COL8A1: variants seen among roughly 807,000 people sequenced by gnomAD.
COL8A1 encodes the protein collagen alpha-1(VIII) chain.
Under a neutral mutation model 42.7 loss-of-function variants are expected in COL8A1, and 21 were observed. The observed-to-expected ratio is 0.49, with a 90% CI of 0.35 to 0.71. The LOEUF (loss-of-function observed/expected upper bound fraction) is 0.71, where lower values mean the gene tolerates loss of function less well. Among genes scored for constraint, COL8A1 ranks in the 30% least tolerant of loss-of-function variants. The probability of loss-of-function intolerance (pLI) is 0.01; values close to 1 mark genes in which losing one functional copy is unlikely to be tolerated. For synonymous variants in COL8A1, 367 were observed against 369.1 expected (o/e 0.99, Z 0.06); for missense variants, 788 against 962.4 (o/e 0.82, Z 2.40).
At chr3:99,792,376 C>T (rs1942017430) in intron 3 of COL8A1, among the ~76,000 whole-genome samples, 1 of 152,098 alleles carries the variant, frequency 6.6e-6, no homozygotes, top group Non-Finnish European at 1.5e-5. Context: ...GATTAAGGTG[C>T]TACTAGTGAC....
At chr3:99,743,600 T>TA (rs34041699) in intron 1 of COL8A1, among the ~76,000 whole-genome samples, 1 of 148,570 alleles carries the variant, frequency 6.7e-6, no homozygotes, top group Non-Finnish European at 1.5e-5. Flanking sequence ...TATCCACAGG[T>TA]AAATTAATTA....
chr3:99,795,140 A>G lies in COL8A1; in HGVS notation c.1239A>G (p.Lys413=), dbSNP rs1261778141. 1 of 1,613,452 alleles carries G rather than the reference A, an allele frequency of 6.2e-7. No individual in the cohort carries two copies. The highest frequency in any genetic ancestry group is 8.5e-7 in the Non-Finnish European group (1 of 1,179,776). Residue 413 remains lysine, a synonymous_variant, in exon 4 of 4, where the codon AAA becomes AAG. Transcript: ENST00000652472. The part of the protein sequence containing the change: ...PPGAIGFPGP[K]GEGGIVGPQG... ...GTGCTATTGGTTTTCCTGGACCCAA[A>G]GGAGAAGGTGGGATTGTAGGGCCAC...
At chr3:99,722,560 A>G (rs1441189603) in intron 1 of COL8A1, among the ~76,000 whole-genome samples, 2 of 152,170 alleles carry the variant, frequency 1.3e-5, no homozygotes, top group African/African-American at 2.4e-5. Context: ...CACATTGACC[A>G]TTGTGGGTAA....
chr3:99,701,255 A>G (rs1419297404), intron 1 of COL8A1, among the ~76,000 whole-genome samples: 1 of 152,196 alleles, frequency 6.6e-6, no homozygotes, highest in Admixed American at 6.5e-5. Context: ...TATGTAGTAA[A>G]AGATCTTGGG....
At chr3:99,700,137 T>C (rs1264006560) in intron 1 of COL8A1, among the ~76,000 whole-genome samples, 1 of 152,068 alleles carries the variant, frequency 6.6e-6, no homozygotes, top group Non-Finnish European at 1.5e-5. Context: ...AGAACCAAGA[T>C]GCTAACAACA....
chr3:99,787,880 AC>A (rs1166838678), intron 2 of COL8A1, among the ~76,000 whole-genome samples: 1 of 150,056 alleles, frequency 6.7e-6, no homozygotes, highest in Non-Finnish European at 1.5e-5. Flanking sequence ...ACACACCCAC[AC>A]CCACACACAC....
intron 2 of COL8A1, among the ~76,000 whole-genome samples, chr3:99,780,735 C>G (rs142514151): frequency 6.6e-6 from 1 of 152,356 alleles, no homozygotes; most frequent in African/African-American, 2.4e-5. Flanking sequence ...GACCTGGCAT[C>G]TGTTACATAA....
intron 3 of COL8A1, among the ~76,000 whole-genome samples, chr3:99,791,632 C>T (rs1469859808): frequency 6.6e-6 from 1 of 152,152 alleles, no homozygotes; most frequent in African/African-American, 2.4e-5. Flanking sequence ...ACAAAATGCC[C>T]CTCAGTGTGA....
intron 1 of COL8A1, among the ~76,000 whole-genome samples, chr3:99,703,079 A>G (rs1415963431): frequency 6.6e-6 from 1 of 152,220 alleles, no homozygotes. Context: ...GGAATCCTCA[A>G]TATGCAGGAC....
intron 1 of COL8A1, among the ~76,000 whole-genome samples, chr3:99,648,556 A>G (rs1029099078): frequency 7.9e-5 from 12 of 152,066 alleles, no homozygotes; most frequent in African/African-American, 2.4e-4. Flanking sequence ...AACAAAAAAC[A>G]AAACAAAACA....
intron 1 of COL8A1, among the ~76,000 whole-genome samples, chr3:99,709,313 G>A (rs889900596): frequency 1.3e-5 from 2 of 152,074 alleles, no homozygotes; most frequent in Non-Finnish European, 2.9e-5. Context: ...GTTGGAGAAC[G>A]TCTGCTCTAT....
intron 2 of COL8A1, among the ~76,000 whole-genome samples, chr3:99,775,584 G>A (rs527493548): frequency 2.6e-4 from 40 of 152,224 alleles, no homozygotes; most frequent in African/African-American, 8.7e-4. Flanking sequence ...CAAATTAATC[G>A]TGCCATGATG....
chr3:99,777,772 G>A (rs541022178), intron 2 of COL8A1, among the ~76,000 whole-genome samples: 1 of 152,174 alleles, frequency 6.6e-6, no homozygotes, highest in Non-Finnish European at 1.5e-5. Context: ...GAACCAAGCT[G>A]CCCCAATTCT....
At chr3:99,768,827 CT>C (rs1300666148) in intron 2 of COL8A1, among the ~76,000 whole-genome samples, 27 of 152,330 alleles carry the variant, frequency 1.8e-4, no homozygotes, top group African/African-American at 6.5e-4. Context: ...TACCTTCTAA[CT>C]GGGACAATGG....
intron 1 of COL8A1, among the ~76,000 whole-genome samples, chr3:99,741,873 G>A (rs1350335114): frequency 6.6e-6 from 1 of 152,188 alleles, no homozygotes; most frequent in Non-Finnish European, 1.5e-5. Context: ...AGAGAACACA[G>A]AGGAGAAACA....
chr3:99,741,250 C>T (rs1334389950), intron 1 of COL8A1, among the ~76,000 whole-genome samples: 1 of 151,798 alleles, frequency 6.6e-6, no homozygotes, highest in Non-Finnish European at 1.5e-5. Context: ...ATTTAATTGG[C>T]TATTTTCCTA....
intron 1 of COL8A1, among the ~76,000 whole-genome samples, chr3:99,641,238 C>T (rs748281086): frequency 6.6e-5 from 10 of 152,096 alleles, no homozygotes; most frequent in African/African-American, 2.2e-4. Flanking sequence ...AGCTCTGTTA[C>T]GAAACGCAAC....
intron 1 of COL8A1, among the ~76,000 whole-genome samples, chr3:99,698,788 G>A (rs1939451041): frequency 6.6e-6 from 1 of 152,208 alleles, no homozygotes; most frequent in Non-Finnish European, 1.5e-5. Context: ...TGCTCCATAG[G>A]AGAGACTGAG....
Position 99,726,547 on chromosome 3 carries a change from C to G in COL8A1, c.-128-18350C>G, listed in dbSNP as rs576136482. Among the ~76,000 whole-genome samples the G allele has an allele frequency of 2.1e-4, 32 of 151,912 alleles. No homozygotes were observed. The East Asian group carries it at 4.7e-3, about 22-fold the overall frequency. ...TTCTAGGGTTTTAATGGTTTTAGGT[C>G]TAACGTTTAAGTCTTTAATGCATCT... On this transcript the variant is annotated intron_variant, in intron 1 of 3. Transcript: ENST00000652472.
Sources: allele counts gnomAD v4.1 joint callset (sites outside exome capture counted in the v4.1 genomes callset), GRCh38; gene constraint gnomAD v4.1.1; transcripts MANE v1.5; gene names NCBI Gene and HGNC (gene_info 2026-07-23, HGNC 2026-07-21).